Variants in DYM observed in about 807,000 individuals in gnomAD.
DYM encodes dyggve-Melchior-Clausen syndrome protein.
In DYM, 78 loss-of-function variants were observed where a neutral mutation model predicts 93.1. That is an observed-to-expected ratio of 0.84 (90% CI 0.70 to 1.01). DYM has a LOEUF of 1.01. Among genes scored for constraint, DYM ranks in the 50% least tolerant of loss-of-function variants. The probability of loss-of-function intolerance (pLI) is 0.00; values close to 1 mark genes in which losing one functional copy is unlikely to be tolerated. For synonymous variants in DYM, 321 were observed against 319.7 expected, an observed-to-expected ratio of 1.00 and a Z score of -0.04; for missense variants, 789 against 845.0, an observed-to-expected ratio of 0.93 and a Z score of 0.82.
intron 15 of DYM, among the ~76,000 whole-genome samples, chr18:49,148,009 A>G (rs2085355634): frequency 6.6e-6 from 1 of 152,236 alleles, no homozygotes; most frequent in African/African-American, 2.4e-5. Flanking sequence ...AATACTCTGC[A>G]GCCATAAAAA....
At chr18:49,311,801 A>G (rs2061609235) in intron 8 of DYM, among the ~76,000 whole-genome samples, 1 of 151,912 alleles carries the variant, frequency 6.6e-6, no homozygotes, top group Non-Finnish European at 1.5e-5. Context: ...GGTGCAGCAC[A>G]CCAACATGGC....
intron 1 of DYM, among the ~76,000 whole-genome samples, chr18:49,441,853 G>T (rs979267450): frequency 6.6e-6 from 1 of 152,088 alleles, no homozygotes; most frequent in African/African-American, 2.4e-5. Flanking sequence ...TCTCTCCCCA[G>T]GAAAAGACTA....
chr18:49,190,663 G>A (rs1216339750), intron 14 of DYM, among the ~76,000 whole-genome samples: 1 of 152,112 alleles, frequency 6.6e-6, no homozygotes, highest in Admixed American at 6.5e-5. Flanking sequence ...CTGTATAAAT[G>A]TTACCTGTAT....
intron 2 of DYM, among the ~76,000 whole-genome samples, chr18:49,408,324 G>A (rs1331840155): frequency 6.6e-6 from 1 of 152,102 alleles, no homozygotes; most frequent in African/African-American, 2.4e-5. Context: ...CGATCTTACT[G>A]GTGGACATTT....
At chr18:49,368,769 CA>C (rs2066736249) in intron 5 of DYM, 1 of 152,152 alleles carries the variant, frequency 6.6e-6, no homozygotes, top group Non-Finnish European at 1.5e-5. Flanking sequence ...AAACATGCCA[CA>C]GGTTTTGAAG....
intron 14 of DYM, among the ~76,000 whole-genome samples, chr18:49,192,711 T>C (rs1278497977): frequency 6.6e-6 from 1 of 152,176 alleles, no homozygotes; most frequent in Non-Finnish European, 1.5e-5. Context: ...AGTAGTGTAA[T>C]GCTCCAGCTT....
intron 2 of DYM, among the ~76,000 whole-genome samples, chr18:49,412,675 G>A (rs2072415370): frequency 6.6e-6 from 1 of 152,136 alleles, no homozygotes; most frequent in South Asian, 2.1e-4. Context: ...CTACAACAGA[G>A]CAGATTTTTC....
chr18:49,251,628 C>T (rs772185020), intron 13 of DYM, among the ~76,000 whole-genome samples: 1 of 152,098 alleles, frequency 6.6e-6, no homozygotes, highest in South Asian at 2.1e-4. Context: ...TGTGCGAGGC[C>T]GTTACAAATG....
At chr18:49,223,364 G>C (rs891855971) in intron 13 of DYM, among the ~76,000 whole-genome samples, 2 of 152,052 alleles carry the variant, frequency 1.3e-5, no homozygotes, top group Non-Finnish European at 2.9e-5. Context: ...TGAGAAAGCA[G>C]CCATAGGATG....
intron 8 of DYM, among the ~76,000 whole-genome samples, chr18:49,310,778 T>C (rs2146345398): frequency 6.6e-6 from 1 of 152,226 alleles, no homozygotes; most frequent in East Asian, 1.9e-4. Flanking sequence ...CTTAAGAGGA[T>C]TACAGTTGAG....
intron 8 of DYM, among the ~76,000 whole-genome samples, chr18:49,287,577 T>C (rs2059743028): frequency 6.6e-6 from 1 of 151,966 alleles, no homozygotes; most frequent in African/African-American, 2.4e-5. Context: ...AGCAATATTC[T>C]GGTCCACTTA....
At chr18:49,429,249 C>T (rs1026703519) in intron 2 of DYM, among the ~76,000 whole-genome samples, 1 of 152,236 alleles carries the variant, frequency 6.6e-6, no homozygotes, top group Non-Finnish European at 1.5e-5. Flanking sequence ...AGATAATCTC[C>T]CTGTTTTAAG....
At chr18:49,137,052 G>C (rs1464235463) in intron 15 of DYM, among the ~76,000 whole-genome samples, 1 of 152,214 alleles carries the variant, frequency 6.6e-6, no homozygotes, top group Non-Finnish European at 1.5e-5. Context: ...TGACAGTACA[G>C]AATGAAGATG....
intron 8 of DYM, among the ~76,000 whole-genome samples, chr18:49,315,524 T>C (rs966507949): frequency 1.3e-5 from 2 of 152,202 alleles, no homozygotes; most frequent in African/African-American, 2.4e-5. Context: ...TTTCCACCTA[T>C]CTTTGCCCAT....
At chr18:49,122,767 T>C (rs926925808) in intron 15 of DYM, among the ~76,000 whole-genome samples, 1 of 152,214 alleles carries the variant, frequency 6.6e-6, no homozygotes, top group Non-Finnish European at 1.5e-5. Flanking sequence ...CTGCTTTATA[T>C]TCTTCAGCAT....
At chr18:49,086,288 T>C (rs2078518745) in intron 17 of DYM, among the ~76,000 whole-genome samples, 1 of 152,220 alleles carries the variant, frequency 6.6e-6, no homozygotes, top group South Asian at 2.1e-4. Flanking sequence ...CCCAAGGCAG[T>C]GCAGGGCATC....
At chr18:49,216,029 A>T (rs1195379334) in intron 13 of DYM, among the ~76,000 whole-genome samples, 1 of 152,238 alleles carries the variant, frequency 6.6e-6, no homozygotes, top group Non-Finnish European at 1.5e-5. Flanking sequence ...GCACCTGGAA[A>T]ATCGGGTCAA....
chr18:49,083,930 T>G (rs1304726279), intron 17 of DYM, among the ~76,000 whole-genome samples: 2 of 152,164 alleles, frequency 1.3e-5, no homozygotes, highest in African/African-American at 4.8e-5. Flanking sequence ...TTTATTGATC[T>G]TTTCAAAGAA....
intron 8 of DYM, among the ~76,000 whole-genome samples, chr18:49,316,558 T>C (rs537032535): frequency 6.6e-6 from 1 of 152,254 alleles, no homozygotes; most frequent in Admixed American, 6.5e-5. Context: ...TGATAGTAAA[T>C]CCACACAGAA....
Sources: allele counts gnomAD v4.1 joint callset (sites outside exome capture counted in the v4.1 genomes callset), GRCh38; gene constraint gnomAD v4.1.1; transcripts MANE v1.5; gene names NCBI Gene and HGNC (gene_info 2026-07-23, HGNC 2026-07-21).